MTG2: variants seen among roughly 807,000 people sequenced by gnomAD.
MTG2 encodes mitochondrial ribosome associated GTPase 2.
MTG2 carries 23 observed loss-of-function variants against 28.6 expected under a neutral mutation model. That is an observed-to-expected ratio of 0.80 (90% CI 0.58 to 1.14). MTG2 has a LOEUF of 1.14. Among genes scored for constraint, MTG2 ranks in the 50% most tolerant of loss-of-function variants. MTG2 has a pLI of 0.00. For missense variants in MTG2, 539 were observed against 552.0 expected (o/e 0.98, Z 0.24); for synonymous variants, 260 against 251.8 (o/e 1.03, Z -0.31).
At chr20:62,194,479 G>A (rs1415405463) in intron 2 of MTG2, among the ~76,000 whole-genome samples, 3 of 152,230 alleles carry the variant, frequency 2.0e-5, no homozygotes, top group East Asian at 3.8e-4. Flanking sequence ...TTTTGCTTGC[G>A]TTGGCGCATG....
At chr20:62,187,436 G>A (rs897510546) in intron 1 of MTG2, among the ~76,000 whole-genome samples, 1 of 152,176 alleles carries the variant, frequency 6.6e-6, no homozygotes, top group African/African-American at 2.4e-5. Flanking sequence ...AATGTTACAT[G>A]GAATTTACCA....
intron 1 of MTG2, among the ~76,000 whole-genome samples, chr20:62,190,228 G>A (rs929814658): frequency 6.6e-6 from 1 of 152,164 alleles, no homozygotes; most frequent in Non-Finnish European, 1.5e-5. Context: ...TCACAGAAAC[G>A]TGGGGACCTT....
At chr20:62,194,683 C>T (rs373448367) in intron 2 of MTG2, among the ~76,000 whole-genome samples, 52 of 152,128 alleles carry the variant, frequency 3.4e-4, no homozygotes, top group East Asian at 2.9e-3. Flanking sequence ...AGTATTGGAT[C>T]GGAGTGCAGA....
At chr20:62,199,009 T>C (rs954756231) in intron 5 of MTG2, 110 bp from the exon 6 acceptor site, 23 of 1,564,674 alleles carry the variant, frequency 1.5e-5, no homozygotes, top group Non-Finnish European at 2.0e-5. Flanking sequence ...CATGAGCCCT[T>C]GTGACTCCCC....
rs6142991 is a variant in MTG2, at chr20:62,201,417, G to A, written c.*340G>A. On this transcript the variant is annotated 3_prime_UTR_variant, in exon 7 of 7. Coordinates refer to ENST00000370823, the MANE Select transcript of MTG2 (RefSeq NM_015666.4). ...CTCCGCCATGCACGCGTGGACTCTC[G>A]GATGAGCTCAGCAGAACCGCACAGC... 6.8e-6 allele frequency: 2 copies of A among 292,008 alleles called. No homozygotes were observed. The highest frequency in any genetic ancestry group is 7.6e-5 in the East Asian group (1 of 13,242). The allele number at this position is 292,008 out of a possible 1,614,324, so 18.1% of individuals were successfully genotyped here. A position where few individuals can be genotyped will look rare whatever the true frequency, so the allele number is the denominator to read the frequency against.
In MTG2 at chr20:62,200,879, A is replaced by G. The variant is rs756182304; in HGVS notation, c.1023A>G (p.Ala341=). The change falls in exon 7 of 7, where the codon GCA becomes GCG. Residue 341 remains alanine, a synonymous_variant. Transcript: ENST00000370823. ...AGGGCCTGTCTGCGAGGCCCCACGCAATCGTCGCAAACAAGATTGACCTCC... is the reference window on the plus strand; with the variant it reads ...AGGGCCTGTCTGCGAGGCCCCACGCGATCGTCGCAAACAAGATTGACCTCC... The part of the protein sequence containing the change: ...YEKGLSARPH[A]IVANKIDLPE... The G allele has an allele frequency of 2.5e-6, 4 of 1,613,998 alleles. No individual in the cohort carries two copies. In the South Asian group the frequency reaches 3.3e-5, roughly 13 times the overall value.
At chr20:62,184,588 G>A (rs1255075141) in intron 1 of MTG2, among the ~76,000 whole-genome samples, 1 of 152,172 alleles carries the variant, frequency 6.6e-6, no homozygotes, top group Non-Finnish European at 1.5e-5. Context: ...GACTGGAGGT[G>A]TGAGCCTCAG....
At chr20:62,198,962 CT>C in intron 5 of MTG2, 110 bp downstream of exon 5, 4 of 1,546,262 alleles carry the variant, frequency 2.6e-6, no homozygotes, top group South Asian at 2.3e-5. Context: ...TGCGACTCAC[CT>C]TTTTCCCATC....
At chr20:62,185,785 A>G (rs1425297504) in intron 1 of MTG2, among the ~76,000 whole-genome samples, 1 of 152,234 alleles carries the variant, frequency 6.6e-6, no homozygotes, top group African/African-American at 2.4e-5. Context: ...CCAAATGGCC[A>G]CATTTGGCCA....
chr20:62,192,770 G>A (rs181892637), intron 1 of MTG2, among the ~76,000 whole-genome samples: 4 of 152,284 alleles, frequency 2.6e-5, no homozygotes, highest in Admixed American at 6.5e-5. Context: ...AATTACCAGC[G>A]TTCTGAGAGC....
intron 1 of MTG2, among the ~76,000 whole-genome samples, chr20:62,188,517 T>TG (rs1257824154): frequency 1.4e-5 from 2 of 147,444 alleles, no homozygotes; most frequent in Admixed American, 6.7e-5. Flanking sequence ...AATTTTTTTT[T>TG]TTTTTTTTTT....
chr20:62,198,069 CACAGCTAGGAA>C (rs1368222512), intron 4 of MTG2, 102 bp downstream of exon 4: 2 of 890,482 alleles, frequency 2.2e-6, no homozygotes, highest in African/African-American at 3.4e-5. Context: ...GCTTGATGCC[CACAGCTAGGAA>C]ACAGCACAAT....
At chr20:62,184,662 G>A (rs566381425) in intron 1 of MTG2, among the ~76,000 whole-genome samples, 8 of 152,206 alleles carry the variant, frequency 5.3e-5, no homozygotes, top group Non-Finnish European at 1.2e-4. Flanking sequence ...CTGGTAGAGG[G>A]CCAGGTCCCA....
chr20:62,198,171 A>C, intron 4 of MTG2: 13 of 585,188 alleles, frequency 2.2e-5, no homozygotes, highest in East Asian at 2.8e-5. Flanking sequence ...CCAGGGTCTC[A>C]CACCATGTGC....
rs201219598 is a variant in MTG2, at chr20:62,200,845, T to C, written c.989T>C (p.Met330Thr). The C allele has an allele frequency of 1.3e-4, 212 of 1,613,788 alleles. 1 individual carries two copies. The highest frequency in any genetic ancestry group is 1.6e-4 in the Non-Finnish European group (193 of 1,180,042). ...QVDDLKYELE[M>T]YEKGLSARPH... ...GACGATTTAAAATATGAACTGGAGA[T>C]GTATGAAAAGGGCCTGTCTGCGAGG... The change falls in exon 7 of 7, where the codon ATG (methionine) becomes ACG (threonine). Residue 330 changes from methionine to threonine, a missense_variant. Transcript: ENST00000370823.
chr20:62,199,148 A>G lies in MTG2; in HGVS notation c.717A>G (p.Ser239=), dbSNP rs1327228420. ...MVGFPNAGKS[S]LLRAISNARP... ...GATTCCCCAACGCCGGGAAGTCCTC[A>G]CTGCTCCGGGCCATTTCAAACGCCA... The change falls in exon 6 of 7, where the codon TCA becomes TCG. Residue 239 remains serine, a synonymous_variant. Transcript: ENST00000370823. 6.2e-7 allele frequency: 1 copy of G among 1,613,882 alleles called. No homozygotes were observed.
At chr20:62,200,580 C>A in intron 6 of MTG2, 103 bp from the exon 7 acceptor site, 1 of 1,380,274 alleles carries the variant, frequency 7.2e-7, no homozygotes, top group Non-Finnish European at 9.7e-7. Context: ...AATCCGCCTT[C>A]GCAGTGGGCT....
chr20:62,195,898 G>A lies in MTG2; in HGVS notation c.301G>A (p.Gly101Arg), dbSNP rs1289288704. 6 of 1,614,206 alleles carry A rather than the reference G, an allele frequency of 3.7e-6. No homozygotes were observed. In the East Asian group the frequency reaches 8.9e-5, roughly 24 times the overall value. The change falls in exon 3 of 7, where the codon GGA becomes AGA. Residue 101 changes from glycine to arginine, a missense_variant. Gly to Arg is a moderately radical substitution (Grantham distance 125). Transcript: ENST00000370823. ...CCACAGTGAGCCCCGCAAGGAGTTTGGAGGCCCTGATGGAGGGGACGGAGG... is the reference window on the plus strand; with the variant it reads ...CCACAGTGAGCCCCGCAAGGAGTTTAGAGGCCCTGATGGAGGGGACGGAGG... ...CFHSEPRKEF[G>R]GPDGGDGGNG...
chr20:62,198,809 G>A lies in MTG2; in HGVS notation c.644G>A (p.Arg215Gln), dbSNP rs557593421. 16 of 1,614,154 alleles carry A rather than the reference G, an allele frequency of 9.9e-6. No homozygotes were observed. The highest frequency in any genetic ancestry group is 7.7e-5 in the South Asian group (7 of 91,090). The change falls in exon 5 of 7, where the codon CGA becomes CAA. Residue 215 changes from arginine (R) to glutamine (Q), a missense_variant. Coordinates refer to ENST00000370823, the MANE Select transcript of MTG2 (RefSeq NM_015666.4). ...TCTPGQPGQQ[R>Q]VLHLELKTVA... ...ACCCCTGGACAGCCAGGACAGCAGC[G>A]AGTTCTCCACCTGGAGCTCAAGACG... is the stretch of plus-strand genomic sequence containing the variant.
Sources: gnomAD v4.1 joint callset for allele counts (sites outside exome capture counted in the v4.1 genomes callset) on GRCh38, gnomAD v4.1.1 for gene constraint, MANE v1.5 for transcripts, NCBI Gene and HGNC (gene_info 2026-07-23, HGNC 2026-07-21) for gene names.